The following MTIF2 variants were observed in gnomAD, a reference collection of about 807,000 sequenced individuals.
MTIF2 encodes the protein translation initiation factor IF-2, mitochondrial.
A neutral mutation model predicts 83.5 loss-of-function variants in MTIF2; 71 were observed. The observed-to-expected ratio is 0.85, with a 90% confidence interval of 0.70 to 1.04. MTIF2 has a LOEUF of 1.04. Ranked by LOEUF, MTIF2 falls within the 50% of genes least tolerant of loss-of-function variation. The pLI is 0.00. For synonymous variants in MTIF2, 319 were observed against 287.1 expected (o/e 1.11, Z -1.12); for missense variants, 957 against 846.5 (o/e 1.13, Z -1.62).
At chr2:55,256,635 A>C (rs991765180) in intron 5 of MTIF2, among the ~76,000 whole-genome samples, 1 of 150,940 alleles carries the variant, frequency 6.6e-6, no homozygotes, top group African/African-American at 2.4e-5. Context: ...CGGGAGACAG[A>C]GGTTGAAGTA....
rs1675835711 is a variant in MTIF2, at chr2:55,236,671, T to A, written c.2161A>T (p.Thr721Ser). The change falls in exon 16 of 16, where the codon ACT becomes TCT. Residue 721 changes from threonine (T) to serine (S), a missense_variant. This residue lies in a region of MTIF2 where 221 missense variants were observed against 180.6 expected (regional missense o/e 1.22). Transcript: ENST00000263629. ...CYEEKQIQAK[T>S]SWDPGF The stretch of plus-strand genomic sequence containing the variant: ...TTTTAAAATCCTGGATCCCAAGAAG[T>A]CTTGGCTTGAATTTGCTTTTCTTCA... 1 of 1,596,740 alleles carries A rather than the reference T, an allele frequency of 6.3e-7. No individual in the cohort carries two copies. Among genetic ancestry groups the A allele is most frequent in the Non-Finnish European group, 8.5e-7 (1 of 1,175,408 alleles).
chr2:55,255,116 A>C (rs1301647873), intron 5 of MTIF2, among the ~76,000 whole-genome samples: 1 of 151,840 alleles, frequency 6.6e-6, no homozygotes, highest in African/African-American at 2.4e-5. Flanking sequence ...AGTATTTATA[A>C]TAATTGATTG....
intron 5 of MTIF2, among the ~76,000 whole-genome samples, chr2:55,261,941 C>CAAAAAAAAAAAAAAAAAA (rs5831348): frequency 1.1e-5 from 1 of 87,172 alleles, no homozygotes; most frequent in Non-Finnish European, 2.6e-5. Flanking sequence ...AAAAAAAAAC[C>CAAAAAAAAAAAAAAAAAA]AAAAAAAAAA....
chr2:55,261,941 C>CAAAAAAAAAAAAAAAAAAAAAA (rs5831348), intron 5 of MTIF2, among the ~76,000 whole-genome samples: 1 of 87,176 alleles, frequency 1.1e-5, no homozygotes, highest in Admixed American at 1.1e-4. Flanking sequence ...AAAAAAAAAC[C>CAAAAAAAAAAAAAAAAAAAAAA]AAAAAAAAAA....
chr2:55,251,555 C>A (rs1677093971), intron 8 of MTIF2, among the ~76,000 whole-genome samples: 1 of 152,180 alleles, frequency 6.6e-6, no homozygotes, highest in African/African-American at 2.4e-5. Flanking sequence ...ATATGACACA[C>A]TTTATCGAGT....
intron 9 of MTIF2, among the ~76,000 whole-genome samples, chr2:55,247,893 T>TTTTAA (rs1455791219): frequency 3.3e-5 from 5 of 152,074 alleles, no homozygotes; most frequent in African/African-American, 7.2e-5. Context: ...TCTTCAAATA[T>TTTTAA]TTTAATTTTT....
In MTIF2 at chr2:55,243,057, C is replaced by A. The variant is rs1186178411; in HGVS notation, c.1588G>T (p.Ala530Ser). ...TAGGTATCTATAATGTTCAAAATGG[C>A]CTCAACAGAACCATCAACATCACCT... Reference protein sequence around the residue: ...IKGDVDGSVEAILNIIDTYDA... With the variant: ...IKGDVDGSVESILNIIDTYDA... Residue 530 changes from alanine (A) to serine (S), a missense_variant, in exon 13 of 16, where the codon GCC becomes TCC. By Grantham distance (99) the Ala-to-Ser change is moderately conservative (BLOSUM62 1). Around this residue, in one of 3 missense-constraint regions of MTIF2, gnomAD observed 733 missense variants for 648.7 expected, o/e 1.13. Transcript: ENST00000263629. 8 of 1,608,246 alleles carry A rather than the reference C, an allele frequency of 5.0e-6. No homozygotes were observed. The highest frequency in any genetic ancestry group is 6.8e-6 in the Non-Finnish European group (8 of 1,178,286).
At position 55,243,675 on chromosome 2, in the gene MTIF2, AGGG is replaced by A; in HGVS notation, c.1312-10_1312-8del. On this transcript the variant is annotated splice_region_variant and splice_polypyrimidine_tract_variant and intron_variant, in intron 11 of 15. Coordinates refer to ENST00000263629, the MANE Select transcript of MTIF2 (RefSeq NM_002453.3). ...CAACTTCACGTGCCCTTGGCTTTAT[AGGG>A]GAAAAACGTATTATTTAATGAAATA... 1 of 1,610,430 alleles carries A rather than the reference AGGG, an allele frequency of 6.2e-7. No homozygotes were observed.
At position 55,268,613 on chromosome 2, in the gene MTIF2, A is replaced by T. The variant is rs903991376; in HGVS notation, c.-110T>A. The T allele has an allele frequency of 6.6e-6, 1 of 152,324 alleles. No homozygotes were observed. The highest frequency in any genetic ancestry group is 1.5e-5 in the Non-Finnish European group (1 of 68,126). The allele number at this position is 152,324 out of a possible 1,614,324, so 9.4% of individuals were successfully genotyped here. On this transcript the variant is annotated 5_prime_UTR_variant, in exon 2 of 16. Transcript: ENST00000263629. ...TCATTTTACAGAAAAGGAAACGGAAATCCAGAAGGGTCAAAAAAGCTTCTC... is the reference window on the plus strand; with the variant it reads ...TCATTTTACAGAAAAGGAAACGGAATTCCAGAAGGGTCAAAAAAGCTTCTC...
At position 55,236,785 on chromosome 2, in the gene MTIF2, T is replaced by C. The variant is rs764375128; in HGVS notation, c.2047A>G (p.Ile683Val). The change falls in exon 16 of 16, where the codon ATT becomes GTT. Residue 683 changes from isoleucine (I) to valine (V), a missense_variant. Around this residue, in one of 3 missense-constraint regions of MTIF2, gnomAD observed 221 missense variants for 180.6 expected, o/e 1.22. Transcript: ENST00000263629. ...LTSLKHHKDD[I>V]SIVKTGMDCG... ...TCCATTCCCGTTTTGACAATTGAAA[T>C]GTCATCTTTATGGTGTTTCAATGAG... is the stretch of plus-strand genomic sequence containing the variant. 15 of 1,608,760 alleles carry C rather than the reference T, an allele frequency of 9.3e-6. 1 individual carries two copies. In the South Asian group the frequency reaches 1.6e-4, roughly 17 times the overall value.
chr2:55,261,484 G>C (rs571326294), intron 5 of MTIF2, among the ~76,000 whole-genome samples: 14 of 151,622 alleles, frequency 9.2e-5, no homozygotes, highest in Non-Finnish European at 1.8e-4. Flanking sequence ...GTGGGCACCT[G>C]TAATCCCAGC....
At position 55,252,495 on chromosome 2, in the gene MTIF2, G is replaced by A; in HGVS notation, c.823C>T (p.His275Tyr). The A allele has an allele frequency of 6.2e-7, 1 of 1,614,082 alleles. No individual in the cohort carries two copies. The highest frequency in any genetic ancestry group is 8.5e-7 in the Non-Finnish European group (1 of 1,179,972). Residue 275 changes from histidine (H) to tyrosine (Y), a missense_variant, in exon 8 of 16, where the codon CAT (histidine) becomes TAT (tyrosine). Around this residue, in one of 3 missense-constraint regions of MTIF2, gnomAD observed 733 missense variants for 648.7 expected, o/e 1.13. Transcript: ENST00000263629. ...ACAGTACCCTGTGCATCTTTGGCAT[G>A]CTGAATAGATTCTACAGTTTGTTTC... ...VMKQTVESIQ[H>Y]AKDAQVPIIL...
At chr2:55,240,704 T>C (rs1037252939) in intron 13 of MTIF2, among the ~76,000 whole-genome samples, 1 of 151,642 alleles carries the variant, frequency 6.6e-6, no homozygotes, top group African/African-American at 2.4e-5. Context: ...ACAAAGAAAA[T>C]TTCTTTATAA....
At chr2:55,261,240 G>A (rs1677959742) in intron 5 of MTIF2, among the ~76,000 whole-genome samples, 1 of 152,064 alleles carries the variant, frequency 6.6e-6, no homozygotes, top group South Asian at 2.1e-4. Context: ...CAAAGTGTTG[G>A]AATTACAGGC....
chr2:55,241,156 G>A (rs2104297663), intron 13 of MTIF2, among the ~76,000 whole-genome samples: 1 of 150,900 alleles, frequency 6.6e-6, no homozygotes, highest in Non-Finnish European at 1.5e-5. Context: ...GGTGGCTCAC[G>A]CCTGTAATCC....
rs1026756213 is a variant in MTIF2 at position 55,249,531 on chromosome 2, G to C, written c.845C>G (p.Pro282Arg). ...ACATTTATTTACGGCAAGGATAATA[G>C]GAACTGAAAGAAATGGAGTTAAAAA... ...SIQHAKDAQV[P>R]IILAVNKCDK... Residue 282 changes from proline to arginine, a missense_variant, in exon 9 of 16, where the codon CCT becomes CGT. Pro to Arg is a moderately radical substitution (Grantham distance 103, BLOSUM62 -2). Coordinates refer to ENST00000263629, the MANE Select transcript of MTIF2 (RefSeq NM_002453.3). 1 of 1,613,312 alleles carries C rather than the reference G, an allele frequency of 6.2e-7. No individual in the cohort carries two copies. Among genetic ancestry groups the C allele is most frequent in the Non-Finnish European group, 8.5e-7 (1 of 1,179,816 alleles).
intron 5 of MTIF2, among the ~76,000 whole-genome samples, chr2:55,261,470 G>A (rs1190510089): frequency 1.3e-4 from 19 of 151,860 alleles, no homozygotes; most frequent in Admixed American, 1.2e-3. Context: ...AGCCGGGCGT[G>A]GTTGTGGGCA....
intron 15 of MTIF2, 51 bp downstream of exon 15, chr2:55,237,237 C>A: frequency 6.4e-7 from 1 of 1,556,724 alleles, no homozygotes; most frequent in South Asian, 1.2e-5. Context: ...ATATAGTCAA[C>A]AGGTCTTGGT....
rs1008218201 is a variant in MTIF2 at position 55,268,672 on chromosome 2, C to T, written c.-169G>A. On this transcript the variant is annotated 5_prime_UTR_variant, in exon 2 of 16. Coordinates refer to ENST00000263629, the MANE Select transcript of MTIF2 (RefSeq NM_002453.3). Reference sequence around the variant, plus strand: ...TACCGCTAGTTAATGGCAGTCAAGACTAGAACCCAGACGTTCTGACTCCCA... The same window carrying T: ...TACCGCTAGTTAATGGCAGTCAAGATTAGAACCCAGACGTTCTGACTCCCA... 1.3e-5 allele frequency: 2 copies of T among 152,278 alleles called. No homozygotes were observed. Among genetic ancestry groups the T allele is most frequent in the African/African-American group, 4.8e-5 (2 of 41,450 alleles). The allele number at this position is 152,278 out of a possible 1,614,324, so 9.4% of individuals were successfully genotyped here. A position where few individuals can be genotyped will look rare whatever the true frequency, so the allele number is the denominator to read the frequency against.
Sources: allele counts gnomAD v4.1 joint callset (sites outside exome capture counted in the v4.1 genomes callset), GRCh38; gene constraint gnomAD v4.1.1; regional missense constraint gnomAD v4.1.1; transcripts MANE v1.5; gene names NCBI Gene and HGNC (gene_info 2026-07-23, HGNC 2026-07-21).